Variants in PRSS35 observed in about 807,000 individuals in gnomAD.
PRSS35 encodes serine protease 35.
A neutral mutation model predicts 8.1 loss-of-function variants in PRSS35; 7 were observed. The observed-to-expected ratio is 0.86, with a 90% CI of 0.49 to 1.62. PRSS35 has a LOEUF of 1.62. PRSS35 is among the 40% of genes most tolerant of loss of function. The probability of loss-of-function intolerance (pLI) is 0.00; values close to 1 mark genes in which losing one functional copy is unlikely to be tolerated. For synonymous variants in PRSS35, 199 were observed against 188.7 expected, an observed-to-expected ratio of 1.05 and a Z score of -0.45; for missense variants, 566 against 518.0, an observed-to-expected ratio of 1.09 and a Z score of -0.90.
At chr6:83,517,257 G>T (rs1256814892) in intron 1 of PRSS35, among the ~76,000 whole-genome samples, 1 of 152,116 alleles carries the variant, frequency 6.6e-6, no homozygotes. Context: ...GGTTGATTTG[G>T]CTTCAAAGCC....
intron 1 of PRSS35, among the ~76,000 whole-genome samples, chr6:83,518,452 TTAAG>T (rs1310126784): frequency 6.6e-6 from 1 of 152,082 alleles, no homozygotes; most frequent in Non-Finnish European, 1.5e-5. Context: ...AAAATGCAAT[TTAAG>T]TGTTTTGTGG....
chr6:83,523,860 C>A lies in PRSS35; in HGVS notation c.419C>A (p.Thr140Asn). Residue 140 changes from threonine to asparagine, a missense_variant, in exon 2 of 2, where the codon ACC (threonine) becomes AAC (asparagine). By Grantham distance (65) the Thr-to-Asn change is moderately conservative (BLOSUM62 0). Coordinates refer to ENST00000369700, the MANE Select transcript of PRSS35 (RefSeq NM_153362.3). ...AGCATCTTGGACAAAAGGTTCTTAACCAATTTCCCTTTCAGCACAGCTGTG... is the reference window on the plus strand; with the variant it reads ...AGCATCTTGGACAAAAGGTTCTTAAACAATTTCCCTTTCAGCACAGCTGTG... ...RFSILDKRFL[T>N]NFPFSTAVKL... 2 of 1,614,214 alleles carry A rather than the reference C, an allele frequency of 1.2e-6. No individual in the cohort carries two copies. The highest frequency in any genetic ancestry group is 1.1e-5 in the South Asian group (1 of 91,086).
At position 83,524,609 on chromosome 6, in the gene PRSS35, C is replaced by G; in HGVS notation, c.1168C>G (p.Arg390Gly). Residue 390 changes from arginine to glycine, a missense_variant, in exon 2 of 2, where the codon CGC becomes GGC. Arg to Gly is a moderately radical substitution (Grantham distance 125, BLOSUM62 -2). Transcript: ENST00000369700. ...TCAGAAGGACTACAACGTTGCTGTT[C>G]GCATCACTCCCCTAAAATACGCCCA... Reference protein sequence around the residue: ...GVQKDYNVAVRITPLKYAQIC... With the variant: ...GVQKDYNVAVGITPLKYAQIC... 1 of 1,614,058 alleles carries G rather than the reference C, an allele frequency of 6.2e-7. No homozygotes were observed.
rs374565969 is a variant in PRSS35, at chr6:83,523,658, C to T, written c.217C>T (p.Pro73Ser). ...GIECQKELPT[P>S]SLSELEDYLS... ...CGAATGCCAGAAAGAACTCCCAACT[C>T]CCAGCCTTTCTGAATTGGAGGATTA... Residue 73 changes from proline (P) to serine (S), a missense_variant, in exon 2 of 2, where the codon CCC becomes TCC. Physicochemically the swap from Pro to Ser is moderately conservative, Grantham distance 74. Transcript: ENST00000369700. The T allele has an allele frequency of 3.1e-6, 5 of 1,614,046 alleles. No homozygotes were observed. The highest frequency in any genetic ancestry group is 4.2e-6 in the Non-Finnish European group (5 of 1,180,040).
intron 1 of PRSS35, among the ~76,000 whole-genome samples, chr6:83,522,404 G>C (rs1771838917): frequency 6.6e-6 from 1 of 151,986 alleles, no homozygotes; most frequent in South Asian, 2.1e-4. Context: ...CTCAAGAAAA[G>C]AAAAAGAGGG....
At chr6:83,513,865 T>C (rs937449403) in intron 1 of PRSS35, among the ~76,000 whole-genome samples, 2 of 151,898 alleles carry the variant, frequency 1.3e-5, no homozygotes, top group Non-Finnish European at 3.0e-5. Flanking sequence ...TGTGAGTTAA[T>C]TTTCTCCATT....
chr6:83,515,467 G>T (rs1292900545), intron 1 of PRSS35, among the ~76,000 whole-genome samples: 1 of 149,190 alleles, frequency 6.7e-6, no homozygotes. Context: ...TATATTTTAA[G>T]TCCCAGAAGG....
At position 83,524,612 on chromosome 6, in the gene PRSS35, A is replaced by G; in HGVS notation, c.1171A>G (p.Ile391Val). 6.2e-7 allele frequency: 1 copy of G among 1,614,140 alleles called. No homozygotes were observed. The highest frequency in any genetic ancestry group is 8.5e-7 in the Non-Finnish European group (1 of 1,180,020). ...GAAGGACTACAACGTTGCTGTTCGC[A>G]TCACTCCCCTAAAATACGCCCAGAT... ...VQKDYNVAVR[I>V]TPLKYAQICL... The change falls in exon 2 of 2, where the codon ATC becomes GTC. Residue 391 changes from isoleucine (I) to valine (V), a missense_variant. Coordinates refer to ENST00000369700, the MANE Select transcript of PRSS35 (RefSeq NM_153362.3).
intron 1 of PRSS35, among the ~76,000 whole-genome samples, chr6:83,518,307 A>C (rs963983381): frequency 6.6e-6 from 1 of 152,232 alleles, no homozygotes; most frequent in South Asian, 2.1e-4. Context: ...ACTCACTCAA[A>C]AAGTTGTTTT....
chr6:83,524,497 G>A lies in PRSS35; in HGVS notation c.1056G>A (p.Leu352=). Residue 352 remains leucine (L), a synonymous_variant, in exon 2 of 2, where the codon CTG becomes CTA. Coordinates refer to ENST00000369700, the MANE Select transcript of PRSS35 (RefSeq NM_153362.3). ...GCTCCACCGGTTCGGGGGTCTATCT[G>A]CGTCTGAAAGATCCAGACAAAAAGA... ...ESGSTGSGVY[L]RLKDPDKKNW... is the part of the protein sequence containing the mutation. The A allele has an allele frequency of 6.2e-7, 1 of 1,614,110 alleles. No homozygotes were observed. Among genetic ancestry groups the A allele is most frequent in the African/African-American group, 1.3e-5 (1 of 74,996 alleles).
rs1465279108 is a variant in PRSS35, at chr6:83,524,312, A to G, written c.871A>G (p.Met291Val). 7.4e-6 allele frequency: 12 copies of G among 1,614,002 alleles called. No homozygotes were observed. The highest frequency in any genetic ancestry group is 1.7e-5 in the Admixed American group (1 of 59,992). Reference sequence around the variant, plus strand: ...GAAGCGTGCTCACAAAAAGAAATACATGGAACTTGGAATCAGCCCAACGAT... The same window carrying G: ...GAAGCGTGCTCACAAAAAGAAATACGTGGAACTTGGAATCAGCCCAACGAT... ...ELKRAHKKKY[M>V]ELGISPTIKK... Residue 291 changes from methionine to valine, a missense_variant, in exon 2 of 2, where the codon ATG becomes GTG. Physicochemically the swap from Met to Val is conservative, Grantham distance 21 (BLOSUM62 1). Coordinates refer to ENST00000369700, the MANE Select transcript of PRSS35 (RefSeq NM_153362.3).
In PRSS35 at chr6:83,523,955, C is replaced by A; in HGVS notation, c.514C>A (p.His172Asn). Residue 172 changes from histidine to asparagine, a missense_variant, in exon 2 of 2, where the codon CAT becomes AAT. His to Asn is a moderately conservative substitution (Grantham distance 68). Transcript: ENST00000369700. ...TGTTCTAACTGCTGCCCACTGTGTTCATGATGGAAAGGACTATGTCAAAGG... is the reference window on the plus strand; with the variant it reads ...TGTTCTAACTGCTGCCCACTGTGTTAATGATGGAAAGGACTATGTCAAAGG... ...QHVLTAAHCV[H>N]DGKDYVKGSK... 6.2e-7 allele frequency: 1 copy of A among 1,614,102 alleles called. No homozygotes were observed. The highest frequency in any genetic ancestry group is 8.5e-7 in the Non-Finnish European group (1 of 1,180,022).
chr6:83,518,282 A>G (rs1771758557), intron 1 of PRSS35, among the ~76,000 whole-genome samples: 1 of 152,208 alleles, frequency 6.6e-6, no homozygotes, highest in Non-Finnish European at 1.5e-5. Flanking sequence ...ATAGGATTCT[A>G]TATACTCTAG....
chr6:83,515,977 G>T (rs1163610459), intron 1 of PRSS35, among the ~76,000 whole-genome samples: 8 of 151,968 alleles, frequency 5.3e-5, no homozygotes, highest in African/African-American at 1.9e-4. Context: ...AGCATGCCTG[G>T]CTAATTTTTG....
intron 1 of PRSS35, among the ~76,000 whole-genome samples, chr6:83,516,744 C>T (rs1771726620): frequency 6.6e-6 from 1 of 151,624 alleles, no homozygotes; most frequent in Non-Finnish European, 1.5e-5. Flanking sequence ...ATCTAGAGGC[C>T]ACTCATATTC....
Position 83,524,402 on chromosome 6 carries a change from G to T in PRSS35, c.961G>T (p.Val321Phe), listed in dbSNP as rs778518818. Residue 321 changes from valine to phenylalanine, a missense_variant, in exon 2 of 2, where the codon GTC (valine) becomes TTC (phenylalanine). Coordinates refer to ENST00000369700, the MANE Select transcript of PRSS35 (RefSeq NM_153362.3). ...TGATAACGATAGGGCTGATCAGTTG[G>T]TCTATCGGTTTTGCAGTGTGTCCGA... ...GFDNDRADQL[V>F]YRFCSVSDES... 8 of 1,614,062 alleles carry T rather than the reference G, an allele frequency of 5.0e-6. No homozygotes were observed. The Admixed American group carries it at 1.3e-4, about 27-fold the overall frequency.
intron 1 of PRSS35, among the ~76,000 whole-genome samples, chr6:83,521,298 T>C (rs1471012569): frequency 6.6e-6 from 1 of 152,090 alleles, no homozygotes; most frequent in African/African-American, 2.4e-5. Flanking sequence ...TACTGAGTTG[T>C]GAGCCTTTTT....
intron 1 of PRSS35, among the ~76,000 whole-genome samples, chr6:83,518,615 A>G (rs1382213893): frequency 6.6e-6 from 1 of 152,212 alleles, no homozygotes; most frequent in Non-Finnish European, 1.5e-5. Flanking sequence ...AACAAAACAA[A>G]GAAAAAGCGA....
Position 83,524,704 on chromosome 6 carries a change from G to A in PRSS35, c.*21G>A, listed in dbSNP as rs768885702. The A allele has an allele frequency of 1.3e-6, 2 of 1,576,386 alleles. No homozygotes were observed. Among genetic ancestry groups the A allele is most frequent in the Admixed American group, 3.6e-5 (2 of 55,784 alleles). On this transcript the variant is annotated 3_prime_UTR_variant, in exon 2 of 2. Coordinates refer to ENST00000369700, the MANE Select transcript of PRSS35 (RefSeq NM_153362.3). Reference sequence around the variant, plus strand: ...GCTAACAGAGACCTGAAACAGGGCGGTGTATCATCTAAATCACAGAGAAAA... The same window carrying A: ...GCTAACAGAGACCTGAAACAGGGCGATGTATCATCTAAATCACAGAGAAAA...
Sources: allele counts gnomAD v4.1 joint callset (sites outside exome capture counted in the v4.1 genomes callset), GRCh38; gene constraint gnomAD v4.1.1; transcripts MANE v1.5; gene names NCBI Gene and HGNC (gene_info 2026-07-23, HGNC 2026-07-21).